The following HYDIN variants were observed in gnomAD, a reference collection of about 807,000 sequenced individuals.
HYDIN encodes axonemal central pair apparatus protein HYDIN.
Under a neutral mutation model 403.9 loss-of-function variants are expected in HYDIN, and 132 were observed. That is an observed-to-expected ratio of 0.33 (90% CI 0.28 to 0.38). HYDIN has a LOEUF of 0.38. Among genes scored for constraint, HYDIN ranks in the 10% least tolerant of loss-of-function variants. The pLI is 1.00. For missense variants in HYDIN, 2,827 were observed against 5,009.5 expected, an observed-to-expected ratio of 0.56 and a Z score of 13.15; for synonymous variants, 1,202 against 1,891.7, an observed-to-expected ratio of 0.64 and a Z score of 9.46.
intron 13 of HYDIN, among the ~76,000 whole-genome samples, chr16:71,076,180 G>A (rs1334987045): frequency 1.3e-5 from 2 of 152,116 alleles, no homozygotes; most frequent in Non-Finnish European, 2.9e-5. Flanking sequence ...ACTGTCCAAC[G>A]GAAATACAAT....
rs536948282 is a variant in HYDIN, at chr16:71,145,503, T to G, written c.841+7156A>C. ...CTTCTGACCTTGTGATCTGCCTGCCTTGGCCTCCCGATTACAGGCGTGAGT... is the reference window on the plus strand; with the variant it reads ...CTTCTGACCTTGTGATCTGCCTGCCGTGGCCTCCCGATTACAGGCGTGAGT... On this transcript the variant is annotated intron_variant, in intron 7 of 85. Transcript: ENST00000393567. Among the ~76,000 whole-genome samples, 539 of 152,284 alleles carry G rather than the reference T, an allele frequency of 3.5e-3. 3 individuals carry two copies. Among genetic ancestry groups the G allele is most frequent in the African/African-American group, 0.012 (519 of 41,570 alleles).
intron 58 of HYDIN, among the ~76,000 whole-genome samples, chr16:70,887,494 C>A (rs1360807632): frequency 6.6e-6 from 1 of 151,778 alleles, no homozygotes; most frequent in Non-Finnish European, 1.5e-5. Flanking sequence ...GAAAAGGATT[C>A]TTTCCTGGTG....
intron 73 of HYDIN, among the ~76,000 whole-genome samples, chr16:70,853,900 T>TC: frequency 6.8e-6 from 1 of 147,842 alleles, no homozygotes; most frequent in East Asian, 1.9e-4. Context: ...TTCTTTTTTT[T>TC]TTTTTTTTTG....
At chr16:71,203,746 T>C (rs1212163764) in intron 1 of HYDIN, 1 of 456,048 alleles carries the variant, frequency 2.2e-6, no homozygotes, top group Non-Finnish European at 4.4e-6. Context: ...CAGAGGCTCA[T>C]ATGGGTCCAA....
intron 7 of HYDIN, among the ~76,000 whole-genome samples, chr16:71,140,795 A>G (rs1335653756): frequency 3.3e-5 from 5 of 152,096 alleles, no homozygotes; most frequent in Admixed American, 3.3e-4. Flanking sequence ...AGATATAACA[A>G]CGATATAGGC....
intron 23 of HYDIN, among the ~76,000 whole-genome samples, chr16:71,012,576 A>G (rs1446224818): frequency 2.0e-5 from 3 of 152,248 alleles, no homozygotes; most frequent in Non-Finnish European, 4.4e-5. Flanking sequence ...TCACATGCAC[A>G]CATGTGCATG....
rs142497335 is a variant in HYDIN at position 71,067,348 on chromosome 16, G to A, written c.2017C>T (p.Leu673Phe). ...SNTVQKYELA[L>F]VVDVEGIGEE... ...CCGATGCCCTCCACGTCCACCACGA[G>A]TGCCAGCTCGTATTTCTGCACAGTG... The change falls in exon 15 of 86, where the codon CTC becomes TTC. Residue 673 changes from leucine to phenylalanine, a missense_variant. Physicochemically the swap from Leu to Phe is conservative, Grantham distance 22. Coordinates refer to ENST00000393567, the MANE Select transcript of HYDIN (RefSeq NM_001270974.2). 5.6e-5 allele frequency: 90 copies of A among 1,612,900 alleles called. 1 individual carries two copies. The highest frequency in any genetic ancestry group is 1.6e-4 in the Middle Eastern group (1 of 6,078).
chr16:70,997,829 C>T (rs1199414539), intron 23 of HYDIN, among the ~76,000 whole-genome samples: 1 of 151,788 alleles, frequency 6.6e-6, no homozygotes, highest in Non-Finnish European at 1.5e-5. Flanking sequence ...TAGTTAACTC[C>T]CTGTAGTAAA....
intron 57 of HYDIN, among the ~76,000 whole-genome samples, chr16:70,890,555 A>T (rs558239532): frequency 6.6e-6 from 1 of 152,228 alleles, no homozygotes; most frequent in Admixed American, 6.5e-5. Flanking sequence ...ACAGAAATAT[A>T]AAACAACTAC....
chr16:71,182,590 AAG>A (rs1222681882), intron 3 of HYDIN, among the ~76,000 whole-genome samples: 8 of 152,138 alleles, frequency 5.3e-5, no homozygotes, highest in African/African-American at 1.9e-4. Flanking sequence ...GAAAGAGACA[AAG>A]AGGAAAGATC....
chr16:70,842,695 T>C (rs2037910667), intron 75 of HYDIN, among the ~76,000 whole-genome samples: 1 of 152,028 alleles, frequency 6.6e-6, no homozygotes, highest in South Asian at 2.1e-4. Flanking sequence ...TATCTTTCTA[T>C]TGAAGGGTTT....
At chr16:71,135,692 G>C (rs2084891395) in intron 8 of HYDIN, among the ~76,000 whole-genome samples, 1 of 152,200 alleles carries the variant, frequency 6.6e-6, no homozygotes, top group South Asian at 2.1e-4. Flanking sequence ...GGGAACCAGG[G>C]CAAAGGAAGC....
intron 6 of HYDIN, among the ~76,000 whole-genome samples, chr16:71,154,136 CA>C (rs1169185579): frequency 7.8e-5 from 11 of 141,784 alleles, no homozygotes; most frequent in Non-Finnish European, 1.7e-4. Flanking sequence ...GAGTTTATGT[CA>C]GGGGTAGCAC....
intron 84 of HYDIN, among the ~76,000 whole-genome samples, chr16:70,817,818 T>C (rs1177239023): frequency 2.6e-5 from 4 of 152,100 alleles, no homozygotes; most frequent in Non-Finnish European, 5.9e-5. Context: ...CTCGGCTCAC[T>C]GCAGCCTCCA....
At position 71,070,672 on chromosome 16, in the gene HYDIN, A is replaced by C. The variant is rs546590249; in HGVS notation, c.1739-1170T>G. ...ATTCCCTAGGCAGCTATTGTATCTG[A>C]TACCACTTTCAGAACAAGAAGAATA... On this transcript the variant is annotated intron_variant, in intron 13 of 85. Coordinates refer to ENST00000393567, the MANE Select transcript of HYDIN (RefSeq NM_001270974.2). Among the ~76,000 whole-genome samples, 1,095 of 132,964 alleles carry C rather than the reference A, an allele frequency of 8.2e-3. 15 individuals are homozygous for C. Among genetic ancestry groups the C allele is most frequent in the Non-Finnish European group, 8.8e-3 (570 of 64,974 alleles). 87.2% of individuals were successfully genotyped at this position (132,964 alleles called of 152,430 possible).
At chr16:71,087,090 G>A (rs2082951754) in intron 12 of HYDIN, among the ~76,000 whole-genome samples, 1 of 151,814 alleles carries the variant, frequency 6.6e-6, no homozygotes, top group Non-Finnish European at 1.5e-5. Context: ...TAAATGTCTT[G>A]TGAATGTTTC....
In HYDIN at chr16:71,210,562, C is replaced by T. The variant is rs532923119; in HGVS notation, c.-24+20000G>A. On this transcript the variant is annotated intron_variant, in intron 1 of 85. Coordinates refer to ENST00000393567, the MANE Select transcript of HYDIN (RefSeq NM_001270974.2). ...AAAAAAAAAGCTTTCAGGTACTATG[C>T]TTAGAACCAGGGTGATGAAATAATC... is the stretch of plus-strand genomic sequence containing the variant. Among the ~76,000 whole-genome samples the T allele has an allele frequency of 1.1e-3, 171 of 152,144 alleles. 3 individuals are homozygous for T. Among genetic ancestry groups the T allele is most frequent in the African/African-American group, 4.0e-3 (164 of 41,506 alleles).
intron 80 of HYDIN, among the ~76,000 whole-genome samples, chr16:70,832,559 T>C (rs567739531): frequency 4.6e-5 from 7 of 152,246 alleles, no homozygotes; most frequent in South Asian, 2.1e-4. Context: ...TTTTAAACCA[T>C]AGAAAAGGAG....
At chr16:71,221,387 A>G (rs1268982796) in intron 1 of HYDIN, among the ~76,000 whole-genome samples, 1 of 152,208 alleles carries the variant, frequency 6.6e-6, no homozygotes, top group Non-Finnish European at 1.5e-5. Context: ...AAGCCTGGAC[A>G]GGTAGTTCCC....
Sources: allele counts gnomAD v4.1 joint callset (sites outside exome capture counted in the v4.1 genomes callset), GRCh38; gene constraint gnomAD v4.1.1; transcripts MANE v1.5; gene names NCBI Gene and HGNC (gene_info 2026-07-23, HGNC 2026-07-21).